Variants in MCM6 observed in about 807,000 individuals in gnomAD.
MCM6 encodes minichromosome maintenance complex component 6, also known as DNA replication licensing factor MCM6.
Under a neutral mutation model 94.3 loss-of-function variants are expected in MCM6, and 46 were observed. The ratio of observed to expected loss-of-function variants is 0.49; its 90% CI spans 0.39 to 0.62. The LOEUF (loss-of-function observed/expected upper bound fraction) is 0.62. Ranked by LOEUF, MCM6 falls within the 20% of genes least tolerant of loss-of-function variation. The pLI, the probability that MCM6 is intolerant of heterozygous loss-of-function variation, is 0.00. For synonymous variants in MCM6, 335 were observed against 351.9 expected (o/e 0.95, Z 0.54); for missense variants, 865 against 1,017.9 (o/e 0.85, Z 2.04).
At chr2:135,850,009 A>G (rs538295197) in intron 13 of MCM6, among the ~76,000 whole-genome samples, 2 of 152,322 alleles carry the variant, frequency 1.3e-5, no homozygotes, top group South Asian at 4.1e-4. Flanking sequence ...TTTGAAGACT[A>G]ATTTTTAAAA....
At chr2:135,873,406 AAGC>A (rs1280165619) in intron 1 of MCM6, among the ~76,000 whole-genome samples, 1 of 152,218 alleles carries the variant, frequency 6.6e-6, no homozygotes, top group African/African-American at 2.4e-5. Flanking sequence ...GGGATTTAAG[AAGC>A]AGAACAGAAA....
chr2:135,868,130 T>C (rs528396772), intron 4 of MCM6, among the ~76,000 whole-genome samples: 1 of 152,294 alleles, frequency 6.6e-6, no homozygotes, highest in Non-Finnish European at 1.5e-5. Flanking sequence ...CTCCTCAGCC[T>C]AAGATTTAGG....
Position 135,856,853 on chromosome 2 carries a change from C to A in MCM6, c.1501G>T (p.Ala501Ser). The part of the protein sequence containing the change: ...ATLNARTSIL[A>S]AANPISGHYD... ...TGTCCACTGATTGGGTTTGCTGCTG[C>A]CAAAATGGACGTCCGGGCGTTCAGA... The change falls in exon 11 of 17, where the codon GCA becomes TCA. Residue 501 changes from alanine to serine, a missense_variant. Ala to Ser is a moderately conservative substitution (Grantham distance 99, BLOSUM62 1). Coordinates refer to ENST00000264156, the MANE Select transcript of MCM6 (RefSeq NM_005915.6). 6.2e-7 allele frequency: 1 copy of A among 1,613,912 alleles called. No homozygotes were observed. Among genetic ancestry groups the A allele is most frequent in the Non-Finnish European group, 8.5e-7 (1 of 1,179,902 alleles).
intron 14 of MCM6, among the ~76,000 whole-genome samples, 178 bp from the exon 15 acceptor site, chr2:135,846,570 C>T (rs992679790): frequency 2.0e-5 from 3 of 152,064 alleles, no homozygotes; most frequent in African/African-American, 4.8e-5. Flanking sequence ...CTCGAACTAC[C>T]GGACTCAACT....
Position 135,848,055 on chromosome 2 carries a change from T to C in MCM6, c.2051A>G (p.Asn684Ser), listed in dbSNP as rs539633697. Residue 684 changes from asparagine (N) to serine (S), a missense_variant and splice_region_variant, in exon 14 of 17, where the codon AAT becomes AGT. Coordinates refer to ENST00000264156, the MANE Select transcript of MCM6 (RefSeq NM_005915.6). Reference protein sequence around the residue: ...MEVDEGAGGINGHADSPAPVN... With the variant: ...MEVDEGAGGISGHADSPAPVN... ...AGTCACATGAACAAGTATCTCACCA[T>C]TGATGCCACCAGCACCCTCATCTAC... 20 of 1,607,508 alleles carry C rather than the reference T, an allele frequency of 1.2e-5. No homozygotes were observed. The highest frequency in any genetic ancestry group is 4.0e-5 in the African/African-American group (3 of 74,954).
intron 16 of MCM6, among the ~76,000 whole-genome samples, 190 bp downstream of exon 16, chr2:135,844,355 T>A (rs1255334463): frequency 6.6e-6 from 1 of 152,112 alleles, no homozygotes; most frequent in Non-Finnish European, 1.5e-5. Flanking sequence ...AAATTCTGCT[T>A]GTTTCAGCAG....
At chr2:135,849,594 TG>T (rs757047549) in intron 13 of MCM6, among the ~76,000 whole-genome samples, 8 of 152,200 alleles carry the variant, frequency 5.3e-5, no homozygotes, top group Non-Finnish European at 8.8e-5. Context: ...AACAATGCGC[TG>T]GAACTAGCCC....
intron 14 of MCM6, among the ~76,000 whole-genome samples, chr2:135,847,638 A>G (rs979458240): frequency 3.3e-5 from 5 of 152,192 alleles, no homozygotes; most frequent in Non-Finnish European, 7.3e-5. Context: ...ATCTCAGCTC[A>G]CTGCAACCTC....
chr2:135,865,708 G>T (rs1369131102), intron 6 of MCM6, among the ~76,000 whole-genome samples: 1 of 152,122 alleles, frequency 6.6e-6, no homozygotes, highest in Non-Finnish European at 1.5e-5. Context: ...TTTTATGTAA[G>T]ACATCAAATA....
chr2:135,855,242 CTT>C (rs976031142), intron 11 of MCM6, among the ~76,000 whole-genome samples: 2 of 152,224 alleles, frequency 1.3e-5, no homozygotes, highest in African/African-American at 4.8e-5. Context: ...AGGTTTATAA[CTT>C]GATCTGCTAC....
At chr2:135,859,990 G>A (rs1679959129) in intron 8 of MCM6, among the ~76,000 whole-genome samples, 1 of 151,970 alleles carries the variant, frequency 6.6e-6, no homozygotes, top group South Asian at 2.1e-4. Context: ...TTTTAGTAGA[G>A]ATGGGGTTTC....
At chr2:135,873,803 A>T (rs1042414130) in intron 1 of MCM6, among the ~76,000 whole-genome samples, 13 of 151,834 alleles carry the variant, frequency 8.6e-5, no homozygotes, top group African/African-American at 3.1e-4. Flanking sequence ...AAGAACAAGA[A>T]ATGTGCTAGG....
chr2:135,857,525 G>T (rs1034564196), intron 10 of MCM6, among the ~76,000 whole-genome samples: 1 of 151,988 alleles, frequency 6.6e-6, no homozygotes, highest in South Asian at 2.1e-4. Context: ...TTAAAGTTTA[G>T]ATTCTCCCTA....
chr2:135,859,552 G>C, intron 8 of MCM6, 110 bp from the exon 9 acceptor site: 1 of 692,876 alleles, frequency 1.4e-6, no homozygotes. Context: ...GAGAGCTTAA[G>C]CAATTCATGA....
At chr2:135,861,296 T>C (rs527267487) in intron 8 of MCM6, among the ~76,000 whole-genome samples, 1 of 152,276 alleles carries the variant, frequency 6.6e-6, no homozygotes, top group African/African-American at 2.4e-5. Flanking sequence ...CATGGCTCGG[T>C]GTCACCTTTC....
intron 14 of MCM6, 60 bp from the exon 15 acceptor site, chr2:135,846,452 G>A: frequency 7.2e-7 from 1 of 1,389,398 alleles, no homozygotes; most frequent in Admixed American, 1.7e-5. Context: ...CCCTTGTCAA[G>A]CATTTACAAA....
Position 135,876,284 on chromosome 2 carries a change from T to G in MCM6, c.82A>C (p.Lys28Gln). 6.2e-7 allele frequency: 1 copy of G among 1,611,086 alleles called. No individual in the cohort carries two copies. Among genetic ancestry groups the G allele is most frequent in the Middle Eastern group, 1.7e-4 (1 of 5,950 alleles). Residue 28 changes from lysine to glutamine, a missense_variant, in exon 1 of 17, where the codon AAA becomes CAA. Lys to Gln is a moderately conservative substitution (Grantham distance 53). Coordinates refer to ENST00000264156, the MANE Select transcript of MCM6 (RefSeq NM_005915.6). ...TCCTCCAAGAAGTCCAGGAACAGTT[T>G]CTGGCACTTCTCGGCCACCTCGTCG... ...VRDEVAEKCQ[K>Q]LFLDFLEEFQ...
At chr2:135,842,468 A>G (rs914679478) in intron 16 of MCM6, among the ~76,000 whole-genome samples, 13 of 152,224 alleles carry the variant, frequency 8.5e-5, no homozygotes, top group Admixed American at 2.0e-4. Flanking sequence ...CATTCAACAT[A>G]TATTTGATCC....
chr2:135,868,958 A>G (rs1680151814), intron 3 of MCM6, 98 bp from the exon 4 acceptor site: 1 of 1,252,046 alleles, frequency 8.0e-7, no homozygotes, highest in Non-Finnish European at 1.1e-6. Flanking sequence ...TTATGTTTAA[A>G]AAAAAAATTC....
Sources: allele counts gnomAD v4.1 joint callset (sites outside exome capture counted in the v4.1 genomes callset), GRCh38; gene constraint gnomAD v4.1.1; transcripts MANE v1.5; gene names NCBI Gene and HGNC (gene_info 2026-07-23, HGNC 2026-07-21).